The following AP1G1 variants were observed in gnomAD, a reference collection of about 807,000 sequenced individuals.
AP1G1 encodes the protein adaptor related protein complex 1 subunit gamma 1, also known as AP-1 complex subunit gamma-1.
Under a neutral mutation model 108.3 loss-of-function variants are expected in AP1G1, and 7 were observed. The ratio of observed to expected loss-of-function variants is 0.06; its 90% CI spans 0.04 to 0.12. The LOEUF (loss-of-function observed/expected upper bound fraction) is 0.12, where lower values mean the gene tolerates loss of function less well. Ranked by LOEUF, AP1G1 falls within the 10% of genes least tolerant of loss-of-function variation. The pLI, the probability that AP1G1 is intolerant of heterozygous loss-of-function variation, is 1.00. For synonymous variants in AP1G1, 379 were observed against 353.5 expected (o/e 1.07, Z -0.81); for missense variants, 756 against 1,010.7 (o/e 0.75, Z 3.42).
intron 21 of AP1G1, among the ~76,000 whole-genome samples, chr16:71,738,084 G>A (rs1432524085): frequency 1.3e-5 from 2 of 152,166 alleles, no homozygotes; most frequent in Non-Finnish European, 2.9e-5. Flanking sequence ...GTCTCGCTCT[G>A]TCACCCAGGC....
At chr16:71,745,661 C>T (rs1306760314) in intron 17 of AP1G1, 47 bp from the exon 18 acceptor site, 4 of 1,524,790 alleles carry the variant, frequency 2.6e-6, no homozygotes, top group Non-Finnish European at 3.6e-6. Context: ...AACCTAGATT[C>T]CCTACCCAAA....
intron 1 of AP1G1, among the ~76,000 whole-genome samples, chr16:71,804,397 A>T (rs2032923818): frequency 7.0e-6 from 1 of 141,998 alleles, no homozygotes; most frequent in South Asian, 2.2e-4. Context: ...AGATTTCTAT[A>T]TGCTCTCTTA....
At chr16:71,804,718 G>T (rs542186964) in intron 1 of AP1G1, among the ~76,000 whole-genome samples, 1 of 152,242 alleles carries the variant, frequency 6.6e-6, no homozygotes, top group South Asian at 2.1e-4. Context: ...GCTCTCTTAA[G>T]TTTAAAATTG....
At position 71,732,952 on chromosome 16, in the gene AP1G1, T is replaced by A. The variant is rs1038281123; in HGVS notation, c.*106A>T. 2.8e-5 allele frequency: 23 copies of A among 823,232 alleles called. No homozygotes were observed. In the East Asian group the frequency reaches 5.3e-4, roughly 19 times the overall value. The allele number at this position is 823,232 out of a possible 1,614,324, so 51.0% of individuals were successfully genotyped here. ...ATCCTCCTCAGCAGTTCTCTTCAGC[T>A]CCTCATGCCCGTGGTACAGTTGGGG... On this transcript the variant is annotated 3_prime_UTR_variant, in exon 23 of 23. Coordinates refer to ENST00000299980, the MANE Select transcript of AP1G1 (RefSeq NM_001128.6).
chr16:71,766,367 C>CAAAA (rs2031313200), intron 6 of AP1G1: 1 of 434,300 alleles, frequency 2.3e-6, no homozygotes, highest in African/African-American at 2.1e-5. Context: ...TTACTTTATC[C>CAAAA]ATTAAGAGTC....
At chr16:71,803,104 A>AGAAT (rs1440096512) in intron 1 of AP1G1, among the ~76,000 whole-genome samples, 50 of 151,648 alleles carry the variant, frequency 3.3e-4, no homozygotes, top group Middle Eastern at 3.4e-3. Context: ...AGTCCCAGCT[A>AGAAT]CTCGGGAGGC....
rs1009591247 is a variant in AP1G1 at position 71,761,586 on chromosome 16, G to C, written c.919-19C>G. 1.8e-5 allele frequency: 28 copies of C among 1,588,748 alleles called. No individual in the cohort carries two copies. The Admixed American group carries it at 3.4e-4, about 19-fold the overall frequency. On this transcript the variant is annotated intron_variant, in intron 9 of 22. Transcript: ENST00000299980. ...CTAGGACCTAAAGAGAAACAGCATA[G>C]GTCGAAATTTAGGAAAATGGAAGTT... is the stretch of plus-strand genomic sequence containing the variant.
At position 71,808,825 on chromosome 16, in the gene AP1G1, C is replaced by T. The variant is rs771739871; in HGVS notation, c.-66G>A. 7.8e-7 allele frequency: 1 copy of T among 1,289,724 alleles called. No individual in the cohort carries two copies. Among genetic ancestry groups the T allele is most frequent in the Non-Finnish European group, 1.0e-6 (1 of 988,828 alleles). The allele number at this position is 1,289,724 out of a possible 1,614,324, so 79.9% of individuals were successfully genotyped here. A position where few individuals can be genotyped will look rare whatever the true frequency, so the allele number is the denominator to read the frequency against. Reference sequence around the variant, plus strand: ...GCGGCGGCAGCAGTGGCAGCAGGAACCGAACATCCAAAATGGCGGCTCCCT... The same window carrying T: ...GCGGCGGCAGCAGTGGCAGCAGGAATCGAACATCCAAAATGGCGGCTCCCT... On this transcript the variant is annotated 5_prime_UTR_variant, in exon 1 of 23. Coordinates refer to ENST00000299980, the MANE Select transcript of AP1G1 (RefSeq NM_001128.6).
intron 19 of AP1G1, among the ~76,000 whole-genome samples, chr16:71,744,733 AC>A (rs2030081193): frequency 6.6e-6 from 1 of 151,568 alleles, no homozygotes; most frequent in African/African-American, 2.4e-5. Flanking sequence ...GCACCACTTC[AC>A]CCGGCTAATT....
Position 71,764,392 on chromosome 16 carries a change from C to A in AP1G1, c.876G>T (p.Thr292=), listed in dbSNP as rs147509201. The A allele has an allele frequency of 6.8e-6, 11 of 1,609,694 alleles. No individual in the cohort carries two copies. Among genetic ancestry groups the A allele is most frequent in the Non-Finnish European group, 9.3e-6 (11 of 1,178,068 alleles). The part of the protein sequence containing the change: ...KNVGNAILYE[T]VLTIMDIKSE... ...ACTTAATATCCATGATAGTCAAAAC[C>A]GTTTCATAAAGAATAGCATTTCCTA... The change falls in exon 9 of 23, where the codon ACG becomes ACT. Residue 292 remains threonine, a synonymous_variant. Coordinates refer to ENST00000299980, the MANE Select transcript of AP1G1 (RefSeq NM_001128.6).
At chr16:71,804,205 C>A (rs2032915624) in intron 1 of AP1G1, among the ~76,000 whole-genome samples, 1 of 151,148 alleles carries the variant, frequency 6.6e-6, no homozygotes, top group South Asian at 2.1e-4. Flanking sequence ...CACCATCATG[C>A]CCAGCTAATT....
At chr16:71,783,248 A>C (rs1207465435) in intron 2 of AP1G1, among the ~76,000 whole-genome samples, 3 of 152,202 alleles carry the variant, frequency 2.0e-5, no homozygotes, top group African/African-American at 7.2e-5. Flanking sequence ...GAAAATAAGA[A>C]AATGTATAAG....
chr16:71,807,858 G>A (rs972124752), intron 1 of AP1G1: 2 of 1,286,962 alleles, frequency 1.6e-6, no homozygotes, highest in Admixed American at 2.3e-5. Flanking sequence ...ATATAATAGG[G>A]GAGAAAAAAA....
intron 11 of AP1G1, among the ~76,000 whole-genome samples, chr16:71,757,101 A>G (rs949573027): frequency 4.6e-5 from 7 of 152,214 alleles, no homozygotes; most frequent in Non-Finnish European, 8.8e-5. Context: ...TGCTATATGC[A>G]TCTTTCCATA....
chr16:71,780,118 C>T (rs969707092), intron 2 of AP1G1, among the ~76,000 whole-genome samples: 1 of 151,390 alleles, frequency 6.6e-6, no homozygotes, highest in African/African-American at 2.4e-5. Flanking sequence ...CTCAGCTTCC[C>T]AAGTAGCTAA....
intron 3 of AP1G1, among the ~76,000 whole-genome samples, chr16:71,774,040 C>T (rs1296661154): frequency 7.0e-6 from 1 of 143,158 alleles, no homozygotes; most frequent in Non-Finnish European, 1.5e-5. Context: ...CCAGCCTGGG[C>T]AACAGAGCGA....
At chr16:71,778,871 A>C (rs1210756576) in intron 2 of AP1G1, among the ~76,000 whole-genome samples, 1 of 152,182 alleles carries the variant, frequency 6.6e-6, no homozygotes, top group Non-Finnish European at 1.5e-5. Context: ...GCATGAGTTA[A>C]AGAACAGAAG....
At chr16:71,794,866 C>CTTTTTTTTTTTT (rs2032528877) in intron 1 of AP1G1, among the ~76,000 whole-genome samples, 585 of 46,458 alleles carry the variant, frequency 0.013, no homozygotes, top group Non-Finnish European at 0.015. Flanking sequence ...TTTTTTTTTA[C>CTTTTTTTTTTTT]TTTGAAATGC....
At chr16:71,799,172 G>A (rs1051682800) in intron 1 of AP1G1, among the ~76,000 whole-genome samples, 4 of 152,070 alleles carry the variant, frequency 2.6e-5, no homozygotes, top group African/African-American at 9.7e-5. Context: ...ATACCCAGTG[G>A]TTTCATGATA....
Sources: gnomAD v4.1 joint callset for allele counts (sites outside exome capture counted in the v4.1 genomes callset) on GRCh38, gnomAD v4.1.1 for gene constraint, MANE v1.5 for transcripts, NCBI Gene and HGNC (gene_info 2026-07-23, HGNC 2026-07-21) for gene names.